The following CDH12 variants were observed in gnomAD, a reference collection of about 807,000 sequenced individuals.
CDH12 encodes cadherin-12.
Under a neutral mutation model 74.1 loss-of-function variants are expected in CDH12, and 41 were observed. The ratio of observed to expected loss-of-function variants is 0.55; its 90% CI spans 0.43 to 0.72. CDH12 has a LOEUF of 0.72. Ranked by LOEUF, CDH12 falls within the 30% of genes least tolerant of loss-of-function variation. The pLI is 0.00. For missense variants in CDH12, 945 were observed against 977.2 expected (o/e 0.97, Z 0.44); for synonymous variants, 399 against 355.0 (o/e 1.12, Z -1.39).
chr5:22,459,223 C>T (rs1176818352), intron 2 of CDH12, among the ~76,000 whole-genome samples: 1 of 151,912 alleles, frequency 6.6e-6, no homozygotes, highest in East Asian at 1.9e-4. Flanking sequence ...TATTTGTTTG[C>T]TTTTCTGAAT....
At chr5:22,698,862 G>T (rs1742565832) in intron 1 of CDH12, among the ~76,000 whole-genome samples, 1 of 150,134 alleles carries the variant, frequency 6.7e-6, no homozygotes, top group Admixed American at 6.6e-5. Context: ...CTTTATGGTG[G>T]GAAAATGGTG....
At chr5:22,293,617 CAT>C (rs1446753454) in intron 3 of CDH12, among the ~76,000 whole-genome samples, 1 of 151,528 alleles carries the variant, frequency 6.6e-6, no homozygotes, top group African/African-American at 2.4e-5. Flanking sequence ...TACACATATA[CAT>C]ATACACACAC....
intron 1 of CDH12, among the ~76,000 whole-genome samples, chr5:22,811,461 C>T (rs992560430): frequency 6.6e-6 from 1 of 152,008 alleles, no homozygotes; most frequent in African/African-American, 2.4e-5. Flanking sequence ...GTCATACCAC[C>T]CTTGTTTTCC....
At chr5:21,816,745 C>T (rs568344283) in intron 9 of CDH12, among the ~76,000 whole-genome samples, 200 bp downstream of exon 9, 21 of 147,996 alleles carry the variant, frequency 1.4e-4, no homozygotes, top group Admixed American at 1.1e-3. Flanking sequence ...GCTATTAGTA[C>T]GGAAATTTTG....
intron 2 of CDH12, among the ~76,000 whole-genome samples, chr5:22,469,796 T>A (rs1292373865): frequency 6.6e-5 from 10 of 152,182 alleles, no homozygotes; most frequent in Admixed American, 6.5e-4. Flanking sequence ...CAGCTGATGA[T>A]GGGACCAAAG....
chr5:21,969,710 G>A (rs2150117745), intron 6 of CDH12, among the ~76,000 whole-genome samples: 1 of 152,272 alleles, frequency 6.6e-6, no homozygotes, highest in Middle Eastern at 3.4e-3. Flanking sequence ...TTAAGTATCT[G>A]CTGTTTTACA....
chr5:22,375,794 A>G (rs1042782251), intron 3 of CDH12, among the ~76,000 whole-genome samples: 17 of 152,058 alleles, frequency 1.1e-4, no homozygotes, highest in African/African-American at 3.9e-4. Context: ...CAAAAAACAA[A>G]CAAACAAACA....
intron 4 of CDH12, among the ~76,000 whole-genome samples, chr5:22,194,828 G>A (rs1041548898): frequency 3.9e-5 from 6 of 152,188 alleles, no homozygotes; most frequent in African/African-American, 1.4e-4. Context: ...CAGAGGAGCT[G>A]TGATCTCCCA....
chr5:22,690,922 G>A (rs1173416903), intron 1 of CDH12, among the ~76,000 whole-genome samples: 2 of 152,082 alleles, frequency 1.3e-5, no homozygotes, highest in Non-Finnish European at 2.9e-5. Flanking sequence ...GGACACCATG[G>A]TTAATGTCTC....
Position 22,620,809 on chromosome 5 carries a change from T to C in CDH12, c.-522-115445A>G, listed in dbSNP as rs116167856. 5.3e-3 allele frequency among the ~76,000 whole-genome samples: 809 copies of C among 152,276 alleles called. 6 individuals are homozygous for C. Among genetic ancestry groups the C allele is most frequent in the African/African-American group, 0.019 (781 of 41,564 alleles). On this transcript the variant is annotated intron_variant, in intron 1 of 14. Coordinates refer to ENST00000382254, the MANE Select transcript of CDH12 (RefSeq NM_004061.5). The stretch of plus-strand genomic sequence containing the variant: ...ACAGATAAAATAAACATCTAAACAC[T>C]TGTTGTGAAAAGAAAACATTATAAT...
chr5:22,825,936 C>A (rs1015767463), intron 1 of CDH12, among the ~76,000 whole-genome samples: 10 of 152,148 alleles, frequency 6.6e-5, no homozygotes, highest in African/African-American at 2.4e-4. Flanking sequence ...TATTTTAGGA[C>A]ACATGTCATT....
At chr5:21,786,569 GATGTATAAGGAA>G (rs1437447998) in intron 10 of CDH12, among the ~76,000 whole-genome samples, 1 of 152,120 alleles carries the variant, frequency 6.6e-6, no homozygotes, top group Non-Finnish European at 1.5e-5. Flanking sequence ...CTCAGACGGA[GATGTATAAGGAA>G]ATGAATGTTG....
intron 1 of CDH12, among the ~76,000 whole-genome samples, chr5:22,527,979 T>TA (rs1434083217): frequency 2.0e-5 from 3 of 152,272 alleles, no homozygotes; most frequent in African/African-American, 7.2e-5. Flanking sequence ...ACACTCTTAA[T>TA]ATCCATTTCC....
chr5:22,120,688 T>C (rs1446109755), intron 4 of CDH12, among the ~76,000 whole-genome samples: 8 of 152,144 alleles, frequency 5.3e-5, no homozygotes, highest in Non-Finnish European at 8.8e-5. Context: ...CATTTGGCAT[T>C]TGTTTTTGAC....
chr5:22,039,402 G>T (rs1739418365), intron 5 of CDH12, among the ~76,000 whole-genome samples: 1 of 151,998 alleles, frequency 6.6e-6, no homozygotes, highest in Non-Finnish European at 1.5e-5. Context: ...ATCCAACTTT[G>T]CCTCAGAGGG....
intron 4 of CDH12, among the ~76,000 whole-genome samples, chr5:22,147,084 C>T (rs1747235004): frequency 6.6e-6 from 1 of 152,156 alleles, no homozygotes; most frequent in Non-Finnish European, 1.5e-5. Context: ...AGTCAGATTT[C>T]CAGAAATTTA....
At chr5:22,793,620 T>G (rs1197044591) in intron 1 of CDH12, among the ~76,000 whole-genome samples, 5 of 152,150 alleles carry the variant, frequency 3.3e-5, no homozygotes, top group African/African-American at 1.2e-4. Flanking sequence ...CCTACTACAT[T>G]TATTTGACCT....
At chr5:22,809,381 T>C (rs1749009974) in intron 1 of CDH12, among the ~76,000 whole-genome samples, 1 of 151,630 alleles carries the variant, frequency 6.6e-6, no homozygotes, top group Non-Finnish European at 1.5e-5. Context: ...TATAATCCTA[T>C]ATAAAATATA....
At chr5:21,792,081 C>G (rs1224891404) in intron 10 of CDH12, among the ~76,000 whole-genome samples, 5 of 151,868 alleles carry the variant, frequency 3.3e-5, no homozygotes, top group Non-Finnish European at 5.9e-5. Flanking sequence ...TGTCTTTACT[C>G]TTATCTCTTC....
Sources: gnomAD v4.1 joint callset for allele counts (sites outside exome capture counted in the v4.1 genomes callset) on GRCh38, gnomAD v4.1.1 for gene constraint, MANE v1.5 for transcripts, NCBI Gene and HGNC (gene_info 2026-07-23, HGNC 2026-07-21) for gene names.